LSAMP: variants seen among roughly 807,000 people sequenced by gnomAD.
LSAMP encodes the protein limbic system-associated membrane protein.
Under a neutral mutation model 38.6 loss-of-function variants are expected in LSAMP, and 7 were observed. The ratio of observed to expected loss-of-function variants is 0.18; its 90% CI spans 0.10 to 0.34. LSAMP has a LOEUF of 0.34. LSAMP is among the 10% of genes least tolerant of loss of function. The probability of loss-of-function intolerance (pLI) is 1.00; values close to 1 mark genes in which losing one functional copy is unlikely to be tolerated. For missense variants in LSAMP, 313 were observed against 420.0 expected, an observed-to-expected ratio of 0.75 and a Z score of 2.23; for synonymous variants, 154 against 166.8, an observed-to-expected ratio of 0.92 and a Z score of 0.59.
At chr3:116,023,617 A>C (rs1014686817) in intron 2 of LSAMP, among the ~76,000 whole-genome samples, 15 of 151,850 alleles carry the variant, frequency 9.9e-5, no homozygotes, top group East Asian at 3.9e-4. Flanking sequence ...AAAAAAAAAA[A>C]AAAAAAACGG....
intron 2 of LSAMP, among the ~76,000 whole-genome samples, chr3:116,040,905 T>G (rs1941157045): frequency 6.6e-6 from 1 of 152,166 alleles, no homozygotes; most frequent in Admixed American, 6.5e-5. Context: ...CTAATTTGTT[T>G]TCTTAATTTA....
At chr3:116,272,957 G>T (rs773799374) in intron 1 of LSAMP, among the ~76,000 whole-genome samples, 1 of 151,922 alleles carries the variant, frequency 6.6e-6, no homozygotes, top group Non-Finnish European at 1.5e-5. Flanking sequence ...TTATTTCTGG[G>T]GTTTATGACA....
At chr3:116,122,289 A>AACAC (rs888264053) in intron 1 of LSAMP, among the ~76,000 whole-genome samples, 1 of 152,218 alleles carries the variant, frequency 6.6e-6, no homozygotes, top group Non-Finnish European at 1.5e-5. Flanking sequence ...TGCACATGGA[A>AACAC]ACACACACAC....
At chr3:116,369,769 A>G (rs1254768763) in intron 1 of LSAMP, 8 of 152,586 alleles carry the variant, frequency 5.2e-5, no homozygotes, top group African/African-American at 1.9e-4. Flanking sequence ...TAATGAAGTA[A>G]TTAAGTTAAA....
At chr3:115,830,981 G>A (rs949023175) in intron 6 of LSAMP, among the ~76,000 whole-genome samples, 20 of 152,194 alleles carry the variant, frequency 1.3e-4, no homozygotes, top group African/African-American at 4.6e-4. Context: ...TGCAAGCCTC[G>A]CTTGTTTGTG....
intron 6 of LSAMP, among the ~76,000 whole-genome samples, chr3:115,839,180 T>C (rs1014615883): frequency 1.2e-4 from 18 of 152,154 alleles, no homozygotes; most frequent in African/African-American, 3.9e-4. Flanking sequence ...TAATAGACAA[T>C]TGACCCACAC....
intron 3 of LSAMP, among the ~76,000 whole-genome samples, chr3:115,894,658 T>C (rs886639068): frequency 6.6e-6 from 1 of 152,102 alleles, no homozygotes; most frequent in South Asian, 2.1e-4. Context: ...AACATATTTT[T>C]TTCCATGAGA....
At chr3:115,878,055 A>G (rs546004664) in intron 3 of LSAMP, among the ~76,000 whole-genome samples, 311 of 152,272 alleles carry the variant, frequency 2.0e-3, no homozygotes, top group Non-Finnish European at 3.8e-3. Flanking sequence ...ACGCGGAGAC[A>G]CGATTGTTCT....
chr3:115,926,578 C>T (rs1357488565), intron 3 of LSAMP, among the ~76,000 whole-genome samples: 2 of 152,168 alleles, frequency 1.3e-5, no homozygotes, highest in African/African-American at 2.4e-5. Flanking sequence ...CAGCTTCCCT[C>T]ATGAGAAATT....
intron 1 of LSAMP, among the ~76,000 whole-genome samples, chr3:116,422,534 G>A (rs1265650285): frequency 2.0e-5 from 3 of 152,222 alleles, no homozygotes; most frequent in African/African-American, 7.2e-5. Flanking sequence ...GAACACCAAG[G>A]AACAACTGTA....
intron 1 of LSAMP, among the ~76,000 whole-genome samples, chr3:116,204,119 A>T (rs1324795193): frequency 6.6e-6 from 1 of 152,024 alleles, no homozygotes; most frequent in Non-Finnish European, 1.5e-5. Flanking sequence ...AGTATCTCAT[A>T]GTGGTTTTGA....
chr3:116,275,894 A>T (rs191332400), intron 1 of LSAMP, among the ~76,000 whole-genome samples: 25 of 152,348 alleles, frequency 1.6e-4, no homozygotes, highest in African/African-American at 5.8e-4. Flanking sequence ...ACTGAATAAA[A>T]CCAAATCAGG....
At chr3:116,131,319 C>T (rs754128315) in intron 1 of LSAMP, among the ~76,000 whole-genome samples, 13 of 152,002 alleles carry the variant, frequency 8.6e-5, no homozygotes, top group Non-Finnish European at 1.8e-4. Context: ...TCATTTTCAG[C>T]GTTTGTAGGT....
intron 3 of LSAMP, among the ~76,000 whole-genome samples, chr3:115,908,634 C>T (rs563648874): frequency 6.6e-6 from 1 of 152,234 alleles, no homozygotes; most frequent in South Asian, 2.1e-4. Flanking sequence ...CTACTGTTAT[C>T]AGAGCACAAA....
At chr3:116,092,313 TAAAGG>T (rs1203589319) in intron 1 of LSAMP, among the ~76,000 whole-genome samples, 2 of 151,932 alleles carry the variant, frequency 1.3e-5, no homozygotes, top group Non-Finnish European at 2.9e-5. Context: ...AAAATGAAAG[TAAAGG>T]AGAGAAAAAA....
intron 2 of LSAMP, among the ~76,000 whole-genome samples, chr3:116,072,791 G>T (rs2107385631): frequency 1.6e-5 from 2 of 128,308 alleles, no homozygotes; most frequent in Non-Finnish European, 1.6e-5. Flanking sequence ...GTTCCTTGTA[G>T]ACTCTGAATA....
chr3:116,284,642 G>A (rs1043987195), intron 1 of LSAMP, among the ~76,000 whole-genome samples: 1 of 152,144 alleles, frequency 6.6e-6, no homozygotes, highest in Non-Finnish European at 1.5e-5. Context: ...TTTTGGTATT[G>A]ATGGAAGGAT....
At chr3:116,162,492 G>A (rs144716295) in intron 1 of LSAMP, among the ~76,000 whole-genome samples, 203 of 152,126 alleles carry the variant, frequency 1.3e-3, no homozygotes, top group Non-Finnish European at 1.9e-3. Flanking sequence ...TCAGAGTTGG[G>A]AAACTATTCC....
intron 2 of LSAMP, among the ~76,000 whole-genome samples, chr3:116,071,761 A>G (rs1707610953): frequency 1.3e-5 from 2 of 152,020 alleles, no homozygotes; most frequent in East Asian, 1.9e-4. Context: ...CCTGACCCCA[A>G]CTAACAGGCC....
Sources: allele counts gnomAD v4.1 joint callset (sites outside exome capture counted in the v4.1 genomes callset), GRCh38; gene constraint gnomAD v4.1.1; transcripts MANE v1.5; gene names NCBI Gene and HGNC (gene_info 2026-07-23, HGNC 2026-07-21).